INSYN2B: variants seen among roughly 807,000 people sequenced by gnomAD.
The protein encoded by INSYN2B is inhibitory synaptic factor family member 2B, also known as protein INSYN2B.
In INSYN2B, 16 loss-of-function variants were observed where a neutral mutation model predicts 41.2. The ratio of observed to expected loss-of-function variants is 0.39; its 90% confidence interval spans 0.26 to 0.59. INSYN2B has a LOEUF of 0.59. Among genes scored for constraint, INSYN2B ranks in the 20% least tolerant of loss-of-function variants. The pLI is 0.57. For missense variants in INSYN2B, 608 were observed against 646.4 expected (o/e 0.94, Z 0.64); for synonymous variants, 245 against 244.4 (o/e 1.00, Z -0.02).
Position 169,882,544 on chromosome 5 carries a change from TCTC to T in INSYN2B, c.1346+6_1346+8del, listed in dbSNP as rs1292209264. The T allele has an allele frequency of 1.3e-6, 2 of 1,521,876 alleles. No individual in the cohort carries two copies. Among genetic ancestry groups the T allele is most frequent in the Admixed American group, 4.3e-5 (2 of 46,920 alleles). The allele number at this position is 1,521,876 out of a possible 1,614,324, so 94.3% of individuals were successfully genotyped here. On this transcript the variant is annotated splice_donor_region_variant and intron_variant, in intron 2 of 3. Transcript: ENST00000377365. ...AGTCATTTTTAATATGAAAAAAAAA[TCTC>T]CTTACCCTTCAGTGAGAGCTCGAGC...
chr5:169,973,122 A>G (rs1777587678), intron 1 of INSYN2B, among the ~76,000 whole-genome samples: 1 of 152,210 alleles, frequency 6.6e-6, no homozygotes, highest in Admixed American at 6.5e-5. Context: ...TTTTATCCAC[A>G]AAGTAATCTT....
intron 3 of INSYN2B, among the ~76,000 whole-genome samples, chr5:169,871,248 T>G (rs1176938923): frequency 2.0e-5 from 3 of 152,234 alleles, no homozygotes; most frequent in Non-Finnish European, 2.9e-5. Context: ...CCTTTGATTT[T>G]TCTGCTTAAA....
chr5:169,979,857 G>GT (rs774093458), intron 1 of INSYN2B, among the ~76,000 whole-genome samples: 56 of 152,162 alleles, frequency 3.7e-4, no homozygotes, highest in Non-Finnish European at 7.5e-4. Flanking sequence ...AAAGATAATG[G>GT]TTTTTTTCAT....
At chr5:169,972,110 A>G (rs1275898608) in intron 1 of INSYN2B, among the ~76,000 whole-genome samples, 1 of 152,160 alleles carries the variant, frequency 6.6e-6, no homozygotes, top group African/African-American at 2.4e-5. Context: ...AATAAAATGT[A>G]TTTTCTATTA....
Position 169,883,059 on chromosome 5 carries a change from C to G in INSYN2B, c.840G>C (p.Leu280Phe). The G allele has an allele frequency of 6.4e-7, 1 of 1,551,536 alleles. No homozygotes were observed. Among genetic ancestry groups the G allele is most frequent in the East Asian group, 2.4e-5 (1 of 40,918 alleles). ...CTTTGTCATCTGAGTTGTCTTTGGG[C>G]AAAAGCAATTCAGGTTTAAGTTCCT... ...GTEELKPELL[L>F]PKDNSDDKDL... Residue 280 changes from leucine to phenylalanine, a missense_variant, in exon 2 of 4, where the codon TTG becomes TTC. By Grantham distance (22) the Leu-to-Phe change is conservative. Coordinates refer to ENST00000377365, the MANE Select transcript of INSYN2B (RefSeq NM_001129891.3).
intron 3 of INSYN2B, among the ~76,000 whole-genome samples, chr5:169,870,070 C>T (rs1197838507): frequency 2.0e-5 from 3 of 152,150 alleles, no homozygotes; most frequent in African/African-American, 7.2e-5. Flanking sequence ...AGTTGGTCTT[C>T]CTGAGGATGC....
rs1772858245 is a variant in INSYN2B, at chr5:169,884,536, G to C, written c.-638C>G. 1 of 152,106 alleles carries C rather than the reference G, an allele frequency of 6.6e-6. No individual in the cohort carries two copies. The highest frequency in any genetic ancestry group is 6.5e-5 in the Admixed American group (1 of 15,276). 9.4% of individuals were successfully genotyped at this position (152,106 alleles called of 1,614,324 possible). A position where few individuals can be genotyped will look rare whatever the true frequency, so the allele number is the denominator to read the frequency against. On this transcript the variant is annotated 5_prime_UTR_variant, in exon 2 of 4. Coordinates refer to ENST00000377365, the MANE Select transcript of INSYN2B (RefSeq NM_001129891.3). ...ATGTCAATCACAAATTCCTCCTTTG[G>C]GGCCATTGTTTTCTTTCATGCTGTC...
intron 1 of INSYN2B, among the ~76,000 whole-genome samples, chr5:169,936,382 C>T (rs1356432440): frequency 1.3e-4 from 20 of 152,066 alleles, no homozygotes; most frequent in Admixed American, 1.2e-3. Context: ...CTTATCTGGC[C>T]ATTTTAGGAG....
At chr5:169,931,475 T>G (rs1381425213) in intron 1 of INSYN2B, among the ~76,000 whole-genome samples, 2 of 152,232 alleles carry the variant, frequency 1.3e-5, no homozygotes, top group East Asian at 3.8e-4. Flanking sequence ...ACTAAGTTCC[T>G]GGCATATAAA....
At chr5:169,965,652 A>G (rs1777272097) in intron 1 of INSYN2B, among the ~76,000 whole-genome samples, 1 of 152,210 alleles carries the variant, frequency 6.6e-6, no homozygotes. Flanking sequence ...TTTAGGAACC[A>G]TGGCCTCAGA....
chr5:169,886,102 A>C (rs931552592), intron 1 of INSYN2B, among the ~76,000 whole-genome samples: 1 of 152,182 alleles, frequency 6.6e-6, no homozygotes, highest in African/African-American at 2.4e-5. Flanking sequence ...AGTGATCTGC[A>C]TCTCTCTTTA....
chr5:169,894,432 A>G (rs1773474443), intron 1 of INSYN2B, among the ~76,000 whole-genome samples: 1 of 152,166 alleles, frequency 6.6e-6, no homozygotes. Context: ...ACCAAGGACA[A>G]CTGTTGGGCC....
At chr5:169,881,523 G>A (rs1032858990) in intron 2 of INSYN2B, 81 bp from the exon 3 acceptor site, 3 of 1,075,636 alleles carry the variant, frequency 2.8e-6, no homozygotes, top group Non-Finnish European at 4.2e-6. Context: ...TTGTCCCTTA[G>A]TCCCTATAGC....
chr5:169,968,965 A>C (rs1463539112), intron 1 of INSYN2B, among the ~76,000 whole-genome samples: 1 of 152,316 alleles, frequency 6.6e-6, no homozygotes, highest in East Asian at 1.9e-4. Context: ...CCTGGATAAC[A>C]TGGTGATACC....
chr5:169,910,487 G>T (rs924810838), intron 1 of INSYN2B, among the ~76,000 whole-genome samples: 2 of 152,106 alleles, frequency 1.3e-5, no homozygotes, highest in Admixed American at 1.3e-4. Flanking sequence ...GGTTGGAGGC[G>T]TGCTTACCTT....
chr5:169,976,123 C>T (rs1172967968), intron 1 of INSYN2B, among the ~76,000 whole-genome samples: 2 of 152,218 alleles, frequency 1.3e-5, no homozygotes, highest in African/African-American at 4.8e-5. Context: ...TAAATTCAAT[C>T]TCCCATCTAA....
chr5:169,915,246 T>G (rs560407354), intron 1 of INSYN2B, among the ~76,000 whole-genome samples: 1 of 152,342 alleles, frequency 6.6e-6, no homozygotes, highest in Admixed American at 6.5e-5. Context: ...ATAAAGGCTG[T>G]GTAATATTTG....
chr5:169,946,753 G>T (rs1181589327), intron 1 of INSYN2B, among the ~76,000 whole-genome samples: 1 of 152,218 alleles, frequency 6.6e-6, no homozygotes, highest in East Asian at 1.9e-4. Context: ...TAGGCAATCT[G>T]AAAGTCACAC....
At chr5:169,949,476 T>G (rs755931873) in intron 1 of INSYN2B, among the ~76,000 whole-genome samples, 25 of 151,918 alleles carry the variant, frequency 1.6e-4, no homozygotes, top group Non-Finnish European at 3.4e-4. Flanking sequence ...AAGGAATCAA[T>G]GAAAAGTGAG....
Sources: gnomAD v4.1 joint callset for allele counts (sites outside exome capture counted in the v4.1 genomes callset) on GRCh38, gnomAD v4.1.1 for gene constraint, MANE v1.5 for transcripts, NCBI Gene and HGNC (gene_info 2026-07-23, HGNC 2026-07-21) for gene names.